Variants in FCRL5 observed in about 807,000 individuals in gnomAD.
The protein encoded by FCRL5 is Fc receptor-like protein 5.
FCRL5 carries 79 observed loss-of-function variants against 92.1 expected under a neutral mutation model. That is an observed-to-expected ratio of 0.86 (90% confidence interval 0.72 to 1.03). The LOEUF is 1.03. Among genes scored for constraint, FCRL5 ranks in the 50% least tolerant of loss-of-function variants. The pLI, the probability that FCRL5 is intolerant of heterozygous loss-of-function variation, is 0.00. For missense variants in FCRL5, 1,160 were observed against 1,181.1 expected (o/e 0.98, Z 0.26); for synonymous variants, 466 against 469.3 (o/e 0.99, Z 0.09).
chr1:157,539,495 C>T, intron 6 of FCRL5, 131 bp from the exon 7 acceptor site: 1 of 782,530 alleles, frequency 1.3e-6, no homozygotes, highest in Non-Finnish European at 1.9e-6. Context: ...CTATTTCAGG[C>T]AAACCTGCTT....
intron 10 of FCRL5, among the ~76,000 whole-genome samples, chr1:157,523,402 C>A (rs930913739): frequency 6.6e-6 from 1 of 152,212 alleles, no homozygotes; most frequent in Admixed American, 6.5e-5. Flanking sequence ...TGATTTTCAT[C>A]TAGTCTGATT....
intron 10 of FCRL5, 118 bp from the exon 11 acceptor site, chr1:157,521,410 A>AG: frequency 8.1e-7 from 1 of 1,242,060 alleles, no homozygotes; most frequent in Non-Finnish European, 1.1e-6. Flanking sequence ...AGATTAAAAC[A>AG]TAGATGATAA....
chr1:157,534,068 GT>G (rs71818827), intron 8 of FCRL5: 15,043 of 228,810 alleles, frequency 0.066, 1,630 homozygotes, highest in African/African-American at 0.26. Flanking sequence ...TTCAACAATA[GT>G]TTTTTTAAAA....
chr1:157,527,947 C>G, intron 8 of FCRL5, 52 bp from the exon 9 acceptor site: 1 of 1,494,588 alleles, frequency 6.7e-7, no homozygotes, highest in Non-Finnish European at 8.9e-7. Flanking sequence ...TTAGAAACAG[C>G]TCTTTGTCCT....
Position 157,515,539 on chromosome 1 carries a change from G to C in FCRL5, c.*136C>G, listed in dbSNP as rs1309833865. 24 of 1,581,284 alleles carry C rather than the reference G, an allele frequency of 1.5e-5. No individual in the cohort carries two copies. Among genetic ancestry groups the C allele is most frequent in the Non-Finnish European group, 2.1e-5 (24 of 1,155,536 alleles). Reference sequence around the variant, plus strand: ...GGGCCCTGCATTCTGGTCAGACTGAGAATGAGGACATGTGAAACAAAGGCC... The same window carrying C: ...GGGCCCTGCATTCTGGTCAGACTGACAATGAGGACATGTGAAACAAAGGCC... On this transcript the variant is annotated 3_prime_UTR_variant, in exon 17 of 17. Transcript: ENST00000361835.
Position 157,544,306 on chromosome 1 carries a change from T to C in FCRL5, c.800A>G (p.Tyr267Cys). 1 of 1,614,198 alleles carries C rather than the reference T, an allele frequency of 6.2e-7. No homozygotes were observed. The highest frequency in any genetic ancestry group is 1.1e-5 in the South Asian group (1 of 91,086). The change falls in exon 5 of 17, where the codon TAC becomes TGC. Residue 267 changes from tyrosine (Y) to cysteine (C), a missense_variant. Tyr to Cys is a radical substitution (Grantham distance 194). Coordinates refer to ENST00000361835, the MANE Select transcript of FCRL5 (RefSeq NM_031281.3). ...TCTCGGGCTGTCAGATATGACGCTG[T>C]AAGGCATTGTTGCTGCCTTACACCA... ...FYWCKAATMP[Y>C]SVISDSPRSW...
At chr1:157,522,790 G>A (rs1444223583) in intron 10 of FCRL5, 1 of 152,212 alleles carries the variant, frequency 6.6e-6, no homozygotes, top group Admixed American at 6.5e-5. Context: ...ATAGAAATGA[G>A]GGAGTGAGGA....
At chr1:157,542,827 G>A (rs1558139480) in intron 6 of FCRL5, 32 bp downstream of exon 6, 1 of 1,595,672 alleles carries the variant, frequency 6.3e-7, no homozygotes, top group Non-Finnish European at 8.6e-7. Flanking sequence ...TCTTGGCCAG[G>A]GGTGGGTGAT....
intron 7 of FCRL5, among the ~76,000 whole-genome samples, chr1:157,535,554 G>C (rs573832073): frequency 6.6e-6 from 1 of 152,006 alleles, no homozygotes; most frequent in South Asian, 2.1e-4. Context: ...TGCATATTCT[G>C]TCCATTACAA....
rs1230474936 is a variant in FCRL5, at chr1:157,513,435, T to TGGG, written c.*2239_*2240insCCC. On this transcript the variant is annotated 3_prime_UTR_variant, in exon 17 of 17. Coordinates refer to ENST00000361835, the MANE Select transcript of FCRL5 (RefSeq NM_031281.3). The stretch of plus-strand genomic sequence containing the variant: ...TCTTGTGACTGTAGAGGCTGACATA[T>TGGG]CTCAAGATCTGCAGTCAGCAAGCTG... The TGGG allele has an allele frequency of 6.6e-6, 1 of 152,200 alleles. No individual in the cohort carries two copies. The highest frequency in any genetic ancestry group is 1.5e-5 in the Non-Finnish European group (1 of 68,042). 9.4% of individuals were successfully genotyped at this position (152,200 alleles called of 1,614,324 possible).
At chr1:157,543,271 G>T in intron 5 of FCRL5, 134 bp from the exon 6 acceptor site, 4 of 795,180 alleles carry the variant, frequency 5.0e-6, no homozygotes, top group South Asian at 1.9e-5. Flanking sequence ...ACCCTTACCT[G>T]CACCTGCTTC....
chr1:157,542,643 G>T (rs1261860717), intron 6 of FCRL5: 2 of 547,710 alleles, frequency 3.7e-6, no homozygotes, highest in African/African-American at 3.7e-5. Flanking sequence ...GAAAGCCACT[G>T]CACCATCAGG....
In FCRL5 at chr1:157,527,834, G is replaced by T; in HGVS notation, c.1743C>A (p.Asp581Glu). The T allele has an allele frequency of 2.5e-6, 4 of 1,612,098 alleles. No homozygotes were observed. The highest frequency in any genetic ancestry group is 3.4e-6 in the Non-Finnish European group (4 of 1,178,796). ...GGGCCTCACAGTGAAGCTCCAGCAG[G>T]TCCCCCACCACAGCCTGGGCCCTGG... The part of the protein sequence containing the change: ...RVPRAQAVVG[D>E]LLELHCEAPR... Residue 581 changes from aspartate to glutamate, a missense_variant, in exon 9 of 17, where the codon GAC (aspartate) becomes GAA (glutamate). Transcript: ENST00000361835.
chr1:157,551,388 G>T (rs76944197), intron 1 of FCRL5, among the ~76,000 whole-genome samples: 273 of 152,212 alleles, frequency 1.8e-3, no homozygotes, highest in Non-Finnish European at 2.9e-3. Context: ...CTTATATCAC[G>T]CCTGCTCCAT....
At chr1:157,528,484 A>T (rs1010683999) in intron 8 of FCRL5, 2 of 152,086 alleles carry the variant, frequency 1.3e-5, no homozygotes, top group African/African-American at 4.8e-5. Flanking sequence ...ATATGGAACA[A>T]AAAAAAGAGC....
At chr1:157,538,143 C>T (rs1015117291) in intron 7 of FCRL5, among the ~76,000 whole-genome samples, 18 of 152,182 alleles carry the variant, frequency 1.2e-4, no homozygotes, top group African/African-American at 4.3e-4. Flanking sequence ...TCTCCACTTT[C>T]CTTGGGCCTC....
intron 8 of FCRL5, among the ~76,000 whole-genome samples, chr1:157,529,771 C>T (rs749877988): frequency 6.6e-6 from 1 of 152,092 alleles, no homozygotes; most frequent in African/African-American, 2.4e-5. Context: ...GCTATGAGGA[C>T]GCAAAGGCCT....
chr1:157,551,492 G>A (rs899022558), intron 1 of FCRL5, among the ~76,000 whole-genome samples: 3 of 152,158 alleles, frequency 2.0e-5, no homozygotes. Context: ...AGCATTCATT[G>A]GTAACTTTGC....
chr1:157,520,388 GA>G, intron 12 of FCRL5, 42 bp downstream of exon 12: 1 of 1,381,464 alleles, frequency 7.2e-7, no homozygotes. Context: ...GCGTTGCTGG[GA>G]AGGGCATGAA....
Sources: allele counts gnomAD v4.1 joint callset (sites outside exome capture counted in the v4.1 genomes callset), GRCh38; gene constraint gnomAD v4.1.1; transcripts MANE v1.5; gene names NCBI Gene and HGNC (gene_info 2026-07-23, HGNC 2026-07-21).